The following SUZ12 variants were observed in gnomAD, a reference collection of about 807,000 sequenced individuals.
SUZ12 encodes SUZ12 polycomb repressive complex 2 subunit, also known as polycomb protein SUZ12.
Under a neutral mutation model 87.3 loss-of-function variants are expected in SUZ12, and 17 were observed. The observed-to-expected ratio is 0.19, with a 90% CI of 0.13 to 0.29. The LOEUF is 0.29. Ranked by LOEUF, SUZ12 falls within the 10% of genes least tolerant of loss-of-function variation. The pLI is 1.00. For missense variants in SUZ12, 526 were observed against 912.2 expected (o/e 0.58, Z 5.45); for synonymous variants, 253 against 312.4 (o/e 0.81, Z 2.01).
intron 4 of SUZ12, among the ~76,000 whole-genome samples, chr17:31,954,442 T>C (rs1353234071): frequency 6.6e-6 from 1 of 152,126 alleles, no homozygotes. Flanking sequence ...CATTTATTTT[T>C]ACAATAAGAA....
At chr17:31,942,533 T>C (rs2142121004) in intron 3 of SUZ12, among the ~76,000 whole-genome samples, 1 of 152,136 alleles carries the variant, frequency 6.6e-6, no homozygotes, top group African/African-American at 2.4e-5. Flanking sequence ...GTTGGGGTTT[T>C]ACCATTTTGG....
chr17:31,998,710 T>C lies in SUZ12; in HGVS notation c.1927T>C (p.Tyr643His), dbSNP rs1286252124. 6.3e-7 allele frequency: 1 copy of C among 1,598,226 alleles called. No homozygotes were observed. Among genetic ancestry groups the C allele is most frequent in the Non-Finnish European group, 8.5e-7 (1 of 1,172,810 alleles). Residue 643 changes from tyrosine to histidine, a missense_variant, in exon 16 of 16, where the codon TAT (tyrosine) becomes CAT (histidine). By Grantham distance (83) the Tyr-to-His change is moderately conservative. Around this residue, in one of 9 missense-constraint regions of SUZ12, gnomAD observed 143 missense variants for 321.6 expected, o/e 0.44. Coordinates refer to ENST00000322652, the MANE Select transcript of SUZ12 (RefSeq NM_015355.4). ...TGCCTGTATGCTGTTTGTAGAAAAT[T>C]ATGGACAGAAAATAATTAAGAAGAA... is the stretch of plus-strand genomic sequence containing the variant. ...NHACMLFVEN[Y>H]GQKIIKKNLC...
intron 1 of SUZ12, among the ~76,000 whole-genome samples, chr17:31,937,937 G>GAT (rs1006167788): frequency 2.1e-5 from 3 of 142,164 alleles, no homozygotes; most frequent in African/African-American, 8.0e-5. Flanking sequence ...CCTGTGAAGG[G>GAT]ATGAGTGCAG....
At chr17:31,979,277 T>C (rs1200071065) in intron 8 of SUZ12, among the ~76,000 whole-genome samples, 8 of 152,190 alleles carry the variant, frequency 5.3e-5, no homozygotes, top group African/African-American at 1.9e-4. Flanking sequence ...TTTGAAAGTT[T>C]GCTTTATTCC....
Position 31,983,110 on chromosome 17 carries a change from G to A in SUZ12, c.1023+6G>A, listed in dbSNP as rs770655367. The A allele has an allele frequency of 6.2e-7, 1 of 1,612,638 alleles. No individual in the cohort carries two copies. On this transcript the variant is annotated splice_donor_region_variant and intron_variant, in intron 9 of 15. Transcript: ENST00000322652. ...AGACTATTCTTGATGGGAAGGTATG[G>A]ACTACTTAGAAGGTTGAGCACGTTA...
chr17:31,998,166 A>G (rs491530), intron 15 of SUZ12, among the ~76,000 whole-genome samples: 138,474 of 150,826 alleles, frequency 0.92, 63,737 homozygotes, highest in East Asian at 1. Context: ...TGCAAGCTCC[A>G]CCTCCCAGGT....
intron 4 of SUZ12, among the ~76,000 whole-genome samples, chr17:31,950,135 C>T (rs886152884): frequency 3.9e-5 from 6 of 151,968 alleles, no homozygotes; most frequent in Admixed American, 1.3e-4. Flanking sequence ...TACAGGTGCC[C>T]GGCATCACAC....
chr17:31,955,344 C>T (rs982680833), intron 4 of SUZ12, among the ~76,000 whole-genome samples: 5 of 152,028 alleles, frequency 3.3e-5, no homozygotes, highest in East Asian at 3.8e-4. Context: ...TGCAATTGTG[C>T]GATCATGACT....
intron 3 of SUZ12, among the ~76,000 whole-genome samples, chr17:31,945,187 C>T (rs564939942): frequency 2.6e-5 from 4 of 152,012 alleles, no homozygotes; most frequent in African/African-American, 7.2e-5. Flanking sequence ...TTGTCTTCAG[C>T]GTAGTTGGTG....
chr17:31,956,147 C>A (rs980623303), intron 4 of SUZ12, among the ~76,000 whole-genome samples: 4 of 150,062 alleles, frequency 2.7e-5, no homozygotes, highest in Admixed American at 2.0e-4. Flanking sequence ...TCTCCTGACC[C>A]CGTGATCTGT....
At chr17:31,988,837 G>A (rs766241561) in intron 10 of SUZ12, among the ~76,000 whole-genome samples, 28 of 151,826 alleles carry the variant, frequency 1.8e-4, no homozygotes, top group Non-Finnish European at 2.6e-4. Context: ...TTGGGAGACC[G>A]AGGCGGGCGG....
At chr17:31,994,280 G>T in intron 12 of SUZ12, 3 of 437,064 alleles carry the variant, frequency 6.9e-6, no homozygotes. Flanking sequence ...GTCTCTAATT[G>T]ACTCACAAAA....
chr17:31,988,967 G>C (rs552703430), intron 10 of SUZ12, among the ~76,000 whole-genome samples: 1 of 151,758 alleles, frequency 6.6e-6, no homozygotes, highest in Non-Finnish European at 1.5e-5. Context: ...AGCTACTTGG[G>C]AGGCTGAGGC....
intron 10 of SUZ12, 130 bp from the exon 11 acceptor site, chr17:31,993,112 A>G (rs1909807062): frequency 3.4e-6 from 2 of 589,712 alleles, no homozygotes; most frequent in Non-Finnish European, 2.9e-6. Flanking sequence ...TGAGGGAGAT[A>G]ACAGAAATAT....
chr17:31,999,959 C>T lies in SUZ12; in HGVS notation c.*956C>T, dbSNP rs1449613151. The T allele has an allele frequency of 4.3e-6, 1 of 232,578 alleles. No individual in the cohort carries two copies. Among genetic ancestry groups the T allele is most frequent in the Non-Finnish European group, 8.5e-6 (1 of 117,790 alleles). The allele number at this position is 232,578 out of a possible 1,614,324, so 14.4% of individuals were successfully genotyped here. A position where few individuals can be genotyped will look rare whatever the true frequency, so the allele number is the denominator to read the frequency against. ...GCCTTTTATTTGTTTGCAAGGATGT[C>T]TTTGTAATGTGTTTCATGAATAGAA... is the stretch of plus-strand genomic sequence containing the variant. On this transcript the variant is annotated 3_prime_UTR_variant, in exon 16 of 16. Coordinates refer to ENST00000322652, the MANE Select transcript of SUZ12 (RefSeq NM_015355.4).
intron 13 of SUZ12, among the ~76,000 whole-genome samples, chr17:31,995,180 A>C (rs1909908445): frequency 6.6e-6 from 1 of 151,390 alleles, no homozygotes; most frequent in Non-Finnish European, 1.5e-5. Flanking sequence ...AGGCAGGTGT[A>C]TGCATATGTA....
At position 31,983,100 on chromosome 17, in the gene SUZ12, G is replaced by C. The variant is rs1909204037; in HGVS notation, c.1019G>C (p.Gly340Ala). The C allele has an allele frequency of 6.2e-7, 1 of 1,613,290 alleles. No homozygotes were observed. Among genetic ancestry groups the C allele is most frequent in the Non-Finnish European group, 8.5e-7 (1 of 1,179,662 alleles). ...GCAACATGGGAGACTATTCTTGATGGGAAGGTATGGACTACTTAGAAGGTT... is the reference window on the plus strand; with the variant it reads ...GCAACATGGGAGACTATTCTTGATGCGAAGGTATGGACTACTTAGAAGGTT... The part of the protein sequence containing the change: ...KRATWETILD[G>A]KRLPPFETFS... Residue 340 changes from glycine to alanine, a missense_variant, in exon 9 of 16, where the codon GGG becomes GCG. Coordinates refer to ENST00000322652, the MANE Select transcript of SUZ12 (RefSeq NM_015355.4).
chr17:31,998,108 C>G (rs140341791), intron 15 of SUZ12, among the ~76,000 whole-genome samples: 334 of 144,398 alleles, frequency 2.3e-3, no homozygotes, highest in Middle Eastern at 0.011. Flanking sequence ...GAGACGGAGT[C>G]TCTCTCTCTC....
intron 9 of SUZ12, among the ~76,000 whole-genome samples, chr17:31,983,583 C>T (rs760885221): frequency 1.3e-5 from 2 of 152,068 alleles, no homozygotes; most frequent in Non-Finnish European, 2.9e-5. Context: ...CCCGGCCACA[C>T]GGAAGGCATC....
Sources: allele counts gnomAD v4.1 joint callset (sites outside exome capture counted in the v4.1 genomes callset), GRCh38; gene constraint gnomAD v4.1.1; regional missense constraint gnomAD v4.1.1; transcripts MANE v1.5; gene names NCBI Gene and HGNC (gene_info 2026-07-23, HGNC 2026-07-21).